Variants in ATF7IP2 observed in about 807,000 individuals in gnomAD.
ATF7IP2 encodes the protein activating transcription factor 7-interacting protein 2.
A neutral mutation model predicts 64.2 loss-of-function variants in ATF7IP2; 42 were observed. That is an observed-to-expected ratio of 0.65 (90% CI 0.51 to 0.85). ATF7IP2 has a LOEUF of 0.85. ATF7IP2 is among the 40% of genes least tolerant of loss of function. The pLI is 0.00. For missense variants in ATF7IP2, 933 were observed against 784.2 expected (o/e 1.19, Z -2.27); for synonymous variants, 308 against 272.8 (o/e 1.13, Z -1.27).
At chr16:10,466,113 C>T (rs1339330506) in intron 9 of ATF7IP2, among the ~76,000 whole-genome samples, 2 of 152,176 alleles carry the variant, frequency 1.3e-5, no homozygotes, top group Admixed American at 6.5e-5. Context: ...GAATCATACT[C>T]AGTGAGCTCT....
In ATF7IP2 at chr16:10,430,893, C is replaced by A. The variant is rs1361151528; in HGVS notation, c.273C>A (p.Phe91Leu). The A allele has an allele frequency of 6.2e-7, 1 of 1,613,864 alleles. No homozygotes were observed. The highest frequency in any genetic ancestry group is 2.2e-5 in the East Asian group (1 of 44,876). The change falls in exon 5 of 14, where the codon TTC (phenylalanine) becomes TTA (leucine). Residue 91 changes from phenylalanine to leucine, a missense_variant. Transcript: ENST00000562102. Reference sequence around the variant, plus strand: ...CAATATCAGAGAAAAGTAAAGTATTCTCTCAGAATTGCATAAAACCAGTAG... The same window carrying A: ...CAATATCAGAGAAAAGTAAAGTATTATCTCAGAATTGCATAAAACCAGTAG... ...KNSISEKSKV[F>L]SQNCIKPVEE... is the part of the protein sequence containing the mutation.
chr16:10,448,155 T>C (rs139531264), intron 8 of ATF7IP2: 21 of 152,384 alleles, frequency 1.4e-4, no homozygotes, highest in African/African-American at 5.1e-4. Flanking sequence ...ACCAGTACCA[T>C]GCTGTTTTGG....
Position 10,430,611 on chromosome 16 carries a change from G to T in ATF7IP2, c.-10G>T. The T allele has an allele frequency of 6.3e-7, 1 of 1,581,804 alleles. No homozygotes were observed. Among genetic ancestry groups the T allele is most frequent in the Non-Finnish European group, 8.6e-7 (1 of 1,156,280 alleles). ...TTAAATATGATGTCTTAAATTCCAG[G>T]ATATGAAAGATGGCAAGTCCAGATA... is the stretch of plus-strand genomic sequence containing the variant. On this transcript the variant is annotated splice_region_variant and 5_prime_UTR_variant, in exon 5 of 14. Coordinates refer to ENST00000562102, the MANE Select transcript of ATF7IP2 (RefSeq NM_001393719.1).
In ATF7IP2 at chr16:10,393,653, G is replaced by T. The variant is rs374700314; in HGVS notation, c.-242+7531G>T. Among the ~76,000 whole-genome samples the T allele has an allele frequency of 1.4e-4, 21 of 152,148 alleles. 1 individual carries two copies. The highest frequency in any genetic ancestry group is 9.8e-4 in the Admixed American group (15 of 15,276). On this transcript the variant is annotated intron_variant, in intron 1 of 13. Transcript: ENST00000562102. ...TGCTATGATGCTCGGTAGGTTAGTT[G>T]TACCTGTATTAACTGCATCTTTGAC...
At chr16:10,457,337 T>G (rs2142010280) in intron 8 of ATF7IP2, 35 bp from the exon 9 acceptor site, 1 of 1,564,322 alleles carries the variant, frequency 6.4e-7, no homozygotes, top group South Asian at 1.2e-5. Flanking sequence ...TTGGTAAAAT[T>G]CCCTTCAACT....
intron 1 of ATF7IP2, among the ~76,000 whole-genome samples, chr16:10,401,352 T>TA (rs1243458597): frequency 6.6e-6 from 1 of 151,958 alleles, no homozygotes; most frequent in Non-Finnish European, 1.5e-5. Flanking sequence ...GTATTTTTAG[T>TA]AAAGACAGGG....
At chr16:10,410,502 T>C (rs1010901025) in intron 1 of ATF7IP2, among the ~76,000 whole-genome samples, 3 of 152,202 alleles carry the variant, frequency 2.0e-5, no homozygotes, top group African/African-American at 7.2e-5. Context: ...TTTGCTGAAT[T>C]CTTTTGTTAG....
intron 11 of ATF7IP2, 67 bp downstream of exon 11, chr16:10,473,601 T>G (rs2049888245): frequency 8.9e-7 from 1 of 1,119,298 alleles, no homozygotes; most frequent in African/African-American, 1.6e-5. Context: ...ACTTTAGTGT[T>G]TGCTACATGT....
chr16:10,479,852 A>T (rs1318504103), intron 12 of ATF7IP2, among the ~76,000 whole-genome samples: 1 of 150,926 alleles, frequency 6.6e-6, no homozygotes, highest in South Asian at 2.1e-4. Flanking sequence ...GCTGGCGAGG[A>T]TGTGGAGAAA....
intron 8 of ATF7IP2, chr16:10,447,778 A>C (rs1485271912): frequency 6.6e-6 from 1 of 152,268 alleles, no homozygotes; most frequent in Non-Finnish European, 1.5e-5. Flanking sequence ...AGCTTGGTGG[A>C]TGCCTGGGCC....
At chr16:10,477,186 C>T (rs1209144019) in intron 12 of ATF7IP2, among the ~76,000 whole-genome samples, 1 of 152,212 alleles carries the variant, frequency 6.6e-6, no homozygotes, top group Non-Finnish European at 1.5e-5. Flanking sequence ...TTTTTGCAAT[C>T]TGTCTAACTG....
intron 9 of ATF7IP2, chr16:10,457,732 G>T: frequency 2.6e-6 from 1 of 384,754 alleles, no homozygotes; most frequent in Non-Finnish European, 4.5e-6. Context: ...TTTGAGATAG[G>T]GTCTCACTTT....
At chr16:10,474,827 C>A (rs2049943773) in intron 12 of ATF7IP2, among the ~76,000 whole-genome samples, 2 of 152,108 alleles carry the variant, frequency 1.3e-5, no homozygotes, top group South Asian at 4.1e-4. Context: ...TAGGCTAGAA[C>A]AATGCAAGCC....
chr16:10,457,635 A>T, intron 9 of ATF7IP2, 106 bp downstream of exon 9: 1 of 872,978 alleles, frequency 1.1e-6, no homozygotes, highest in Non-Finnish European at 1.7e-6. Context: ...CTTAACATTC[A>T]CTCTTAAAAT....
intron 5 of ATF7IP2, among the ~76,000 whole-genome samples, 185 bp from the exon 6 acceptor site, chr16:10,433,340 T>C (rs2048319006): frequency 6.6e-6 from 1 of 152,098 alleles, no homozygotes; most frequent in South Asian, 2.1e-4. Context: ...CATACCCAGC[T>C]AATTTTAAAT....
intron 1 of ATF7IP2, among the ~76,000 whole-genome samples, chr16:10,389,485 T>A (rs2047277033): frequency 1.3e-5 from 2 of 152,126 alleles, no homozygotes; most frequent in Admixed American, 1.3e-4. Flanking sequence ...CTTGGAACTG[T>A]GAGTGCTCCC....
At chr16:10,405,399 C>G (rs945160928) in intron 1 of ATF7IP2, among the ~76,000 whole-genome samples, 1 of 151,952 alleles carries the variant, frequency 6.6e-6, no homozygotes, top group Non-Finnish European at 1.5e-5. Flanking sequence ...TATTCATTAT[C>G]GTGAAGACAC....
At chr16:10,413,672 C>T (rs961065886) in intron 1 of ATF7IP2, among the ~76,000 whole-genome samples, 5 of 152,058 alleles carry the variant, frequency 3.3e-5, no homozygotes, top group Middle Eastern at 3.4e-3. Flanking sequence ...GATGTGTTTC[C>T]GAGATTTGTT....
intron 3 of ATF7IP2, among the ~76,000 whole-genome samples, chr16:10,426,706 A>G (rs1429148561): frequency 6.6e-6 from 1 of 152,236 alleles, no homozygotes; most frequent in African/African-American, 2.4e-5. Context: ...GAAGGATGTC[A>G]CAAGGAAGAG....
Sources: gnomAD v4.1 joint callset for allele counts (sites outside exome capture counted in the v4.1 genomes callset) on GRCh38, gnomAD v4.1.1 for gene constraint, MANE v1.5 for transcripts, NCBI Gene and HGNC (gene_info 2026-07-23, HGNC 2026-07-21) for gene names.